The following KYNU variants were observed in gnomAD, a reference collection of about 807,000 sequenced individuals.
KYNU encodes the protein kynureninase, also known as L-kynurenine hydrolase.
Under a neutral mutation model 59.2 loss-of-function variants are expected in KYNU, and 54 were observed. The ratio of observed to expected loss-of-function variants is 0.91; its 90% confidence interval spans 0.73 to 1.14. KYNU has a LOEUF of 1.14. KYNU is among the 50% of genes most tolerant of loss of function. The pLI is 0.00. For synonymous variants in KYNU, 177 were observed against 192.0 expected, an observed-to-expected ratio of 0.92 and a Z score of 0.65; for missense variants, 567 against 554.4, an observed-to-expected ratio of 1.02 and a Z score of -0.23.
intron 10 of KYNU, among the ~76,000 whole-genome samples, chr2:143,020,779 T>C (rs1455257874): frequency 6.6e-6 from 1 of 152,212 alleles, no homozygotes; most frequent in Non-Finnish European, 1.5e-5. Context: ...TTCATACTTA[T>C]TCAAATACTT....
At chr2:142,882,235 C>T (rs1681327199) in intron 1 of KYNU, among the ~76,000 whole-genome samples, 1 of 152,160 alleles carries the variant, frequency 6.6e-6, no homozygotes, top group Admixed American at 6.5e-5. Flanking sequence ...TAAATCCACA[C>T]TCTTCTCTCT....
At chr2:143,041,945 G>A in intron 13 of KYNU, 102 bp from the exon 14 acceptor site, 1 of 1,230,016 alleles carries the variant, frequency 8.1e-7, no homozygotes, top group Non-Finnish European at 1.2e-6. Flanking sequence ...TTAATTTTTA[G>A]GGAAATCATT....
intron 10 of KYNU, among the ~76,000 whole-genome samples, chr2:143,020,956 T>A (rs1686390031): frequency 6.6e-6 from 1 of 152,206 alleles, no homozygotes; most frequent in Non-Finnish European, 1.5e-5. Context: ...GAGTACATAA[T>A]CAGACTTTTG....
At chr2:142,918,866 T>C in intron 3 of KYNU, 137 bp downstream of exon 3, 1 of 955,086 alleles carries the variant, frequency 1.0e-6, no homozygotes, top group Non-Finnish European at 1.6e-6. Context: ...GAGGATTAGT[T>C]CCAGGGCCTC....
At chr2:143,041,885 A>AT (rs1247578103) in intron 13 of KYNU, among the ~76,000 whole-genome samples, 162 bp from the exon 14 acceptor site, 1 of 152,038 alleles carries the variant, frequency 6.6e-6, no homozygotes. Context: ...GAAAAGTTTC[A>AT]TAAAACAGAA....
At chr2:143,032,486 C>A (rs1686781238) in intron 11 of KYNU, among the ~76,000 whole-genome samples, 1 of 152,088 alleles carries the variant, frequency 6.6e-6, no homozygotes, top group Non-Finnish European at 1.5e-5. Context: ...CAAACCATAT[C>A]ACCATAGTTT....
At chr2:142,885,606 A>C (rs1681483310) in intron 2 of KYNU, 70 bp downstream of exon 2, 1 of 1,277,678 alleles carries the variant, frequency 7.8e-7, no homozygotes, top group African/African-American at 1.5e-5. Flanking sequence ...TGTTTATTAT[A>C]ATCTTTGAAA....
At chr2:142,885,822 C>T (rs988769494) in intron 2 of KYNU, among the ~76,000 whole-genome samples, 4 of 152,160 alleles carry the variant, frequency 2.6e-5, no homozygotes, top group South Asian at 4.1e-4. Flanking sequence ...CAGGCAGATA[C>T]ATTTACTTGT....
chr2:142,988,704 G>A, intron 10 of KYNU: 2 of 725,296 alleles, frequency 2.8e-6, no homozygotes, highest in South Asian at 1.5e-5. Context: ...GAAAACCTTG[G>A]TTGTTTTTCT....
chr2:142,902,407 T>C (rs1468689075), intron 2 of KYNU, among the ~76,000 whole-genome samples: 1 of 152,160 alleles, frequency 6.6e-6, no homozygotes, highest in East Asian at 1.9e-4. Context: ...TAGGAGTCCA[T>C]TTTACTAAAT....
chr2:143,003,502 A>C (rs1685771608), intron 10 of KYNU, among the ~76,000 whole-genome samples: 1 of 152,176 alleles, frequency 6.6e-6, no homozygotes, highest in South Asian at 2.1e-4. Flanking sequence ...TAATTGCTTG[A>C]ACCCAGGAGG....
chr2:143,010,041 G>A (rs900223055), intron 10 of KYNU, among the ~76,000 whole-genome samples: 3 of 142,546 alleles, frequency 2.1e-5, no homozygotes, highest in African/African-American at 8.3e-5. Context: ...ATTCAACTTA[G>A]TGTTGGAAGT....
chr2:142,882,572 A>C (rs1479949219), intron 1 of KYNU, among the ~76,000 whole-genome samples: 1 of 152,112 alleles, frequency 6.6e-6, no homozygotes, highest in South Asian at 2.1e-4. Flanking sequence ...GAGTGAGAAC[A>C]TGTGGTGTTT....
chr2:142,952,429 T>A (rs1684022353), intron 4 of KYNU, among the ~76,000 whole-genome samples: 1 of 152,088 alleles, frequency 6.6e-6, no homozygotes, highest in African/African-American at 2.4e-5. Context: ...GTTTTCTTAT[T>A]TCTTTCTTTG....
intron 4 of KYNU, among the ~76,000 whole-genome samples, chr2:142,945,729 T>G (rs1221344578): frequency 1.4e-5 from 2 of 146,084 alleles, no homozygotes; most frequent in Non-Finnish European, 3.0e-5. Context: ...CAAAATGCTT[T>G]TTTTAATTGT....
Position 143,055,698 on chromosome 2 carries a change from AGAG to A in KYNU, c.*13530_*13532del, listed in dbSNP as rs1687343491. 6.6e-6 allele frequency: 1 copy of A among 151,994 alleles called. No individual in the cohort carries two copies. The highest frequency in any genetic ancestry group is 1.5e-5 in the Non-Finnish European group (1 of 67,984). 9.4% of individuals were successfully genotyped at this position (151,994 alleles called of 1,614,324 possible). A position where few individuals can be genotyped will look rare whatever the true frequency, so the allele number is the denominator to read the frequency against. ...AGGAAGGAAGGAAAGGGAGGAGAGG[AGAG>A]GAGAGGTAGGAGGGAAGAAGAAAAA... On this transcript the variant is annotated 3_prime_UTR_variant, in exon 14 of 14. Transcript: ENST00000264170.
chr2:142,913,007 G>A lies in KYNU; in HGVS notation c.170-5602G>A, dbSNP rs529239711. On this transcript the variant is annotated intron_variant, in intron 2 of 13. Transcript: ENST00000264170. ...ATTACAGGCTGGAGCCACCGCTCCC[G>A]GCTGGATCTTTTGTATTTCTGCAGG... Among the ~76,000 whole-genome samples, 5 of 152,144 alleles carry A rather than the reference G, an allele frequency of 3.3e-5. No individual in the cohort carries two copies. In the South Asian group the frequency reaches 1.0e-3, roughly 32 times the overall value.
Position 142,947,839 on chromosome 2 carries a change from A to C in KYNU, c.374-6971A>C, listed in dbSNP as rs1193862439. 2.0e-5 allele frequency: 3 copies of C among 152,396 alleles called. No homozygotes were observed. The East Asian group carries it at 5.8e-4, about 29-fold the overall frequency. 9.4% of individuals were successfully genotyped at this position (152,396 alleles called of 1,614,324 possible). On this transcript the variant is annotated intron_variant, in intron 4 of 13. Coordinates refer to ENST00000264170, the MANE Select transcript of KYNU (RefSeq NM_003937.3). ...CATCATCTACAGAAATACCATGGGC[A>C]TCATGAAAGGCAGTATAGCTATAGG...
chr2:142,948,948 C>T (rs986981159), intron 4 of KYNU, among the ~76,000 whole-genome samples: 1 of 152,168 alleles, frequency 6.6e-6, no homozygotes, highest in Non-Finnish European at 1.5e-5. Context: ...TTAATTATTC[C>T]TTAAATACAA....
Sources: allele counts gnomAD v4.1 joint callset (sites outside exome capture counted in the v4.1 genomes callset), GRCh38; gene constraint gnomAD v4.1.1; transcripts MANE v1.5; gene names NCBI Gene and HGNC (gene_info 2026-07-23, HGNC 2026-07-21).